TENM3: variants seen among roughly 807,000 people sequenced by gnomAD.
TENM3 encodes teneurin transmembrane protein 3.
In TENM3, 63 loss-of-function variants were observed where a neutral mutation model predicts 255.1. The observed-to-expected ratio is 0.25, with a 90% confidence interval of 0.20 to 0.30. The LOEUF (loss-of-function observed/expected upper bound fraction) is 0.30, where lower values mean the gene tolerates loss of function less well. Among genes scored for constraint, TENM3 ranks in the 10% least tolerant of loss-of-function variants. The probability of loss-of-function intolerance (pLI) is 1.00; values close to 1 mark genes in which losing one functional copy is unlikely to be tolerated. For missense variants in TENM3, 2,929 were observed against 3,461.1 expected, an observed-to-expected ratio of 0.85 and a Z score of 3.86; for synonymous variants, 1,306 against 1,322.3, an observed-to-expected ratio of 0.99 and a Z score of 0.27.
chr4:182,267,307 T>A (rs1759304598), intron 1 of TENM3, among the ~76,000 whole-genome samples: 1 of 152,198 alleles, frequency 6.6e-6, no homozygotes, highest in South Asian at 2.1e-4. Flanking sequence ...TTGTCAGTAT[T>A]CTTAACTTAT....
the TENM3 span, among the ~76,000 whole-genome samples, chr4:181,527,664 A>C: frequency 9.0e-3 from 1,369 of 151,664 alleles, 21 homozygotes; most frequent in African/African-American, 0.031. Flanking sequence ...AATAGAATGA[A>C]AATTTGAAAA....
the TENM3 span, among the ~76,000 whole-genome samples, chr4:181,665,959 T>C: frequency 6.6e-6 from 1 of 152,156 alleles, no homozygotes; most frequent in Non-Finnish European, 1.5e-5. Flanking sequence ...TATATATTGG[T>C]CTTCCACAGT....
the TENM3 span, among the ~76,000 whole-genome samples, chr4:181,836,981 A>T: frequency 5.9e-5 from 6 of 101,348 alleles, no homozygotes; most frequent in Non-Finnish European, 1.2e-4. Context: ...ACATTTTATT[A>T]TTCTTAAGAA....
chr4:182,593,124 A>T (rs1388633475), intron 3 of TENM3, among the ~76,000 whole-genome samples: 1 of 152,164 alleles, frequency 6.6e-6, no homozygotes, highest in Admixed American at 6.5e-5. Context: ...GGCAACCTAG[A>T]TTACCTGACA....
intron 12 of TENM3, among the ~76,000 whole-genome samples, chr4:182,708,762 T>C (rs10006999): frequency 0.032 from 4,584 of 145,062 alleles, 224 homozygotes; most frequent in African/African-American, 0.1. Flanking sequence ...CGCGCCACTG[T>C]ACTCCAGCCT....
At chr4:182,510,411 A>G (rs1373441484) in intron 3 of TENM3, among the ~76,000 whole-genome samples, 3 of 152,126 alleles carry the variant, frequency 2.0e-5, no homozygotes, top group Admixed American at 2.0e-4. Flanking sequence ...TGATTATGTC[A>G]TGTCCCACTT....
At chr4:182,750,603 C>G (rs940253714) in intron 19 of TENM3, among the ~76,000 whole-genome samples, 1 of 152,008 alleles carries the variant, frequency 6.6e-6, no homozygotes, top group Non-Finnish European at 1.5e-5. Flanking sequence ...ACTACTGCAT[C>G]ACTATTAGAA....
the TENM3 span, among the ~76,000 whole-genome samples, chr4:181,587,364 C>T: frequency 6.6e-6 from 1 of 152,248 alleles, no homozygotes; most frequent in East Asian, 1.9e-4. Flanking sequence ...CCTGCTGAAG[C>T]CACTCCTATC....
the TENM3 span, among the ~76,000 whole-genome samples, chr4:181,541,119 A>T: frequency 1.3e-5 from 2 of 152,208 alleles, no homozygotes; most frequent in Non-Finnish European, 2.9e-5. Flanking sequence ...CATGCCTGTA[A>T]TCCCAACATT....
the TENM3 span, among the ~76,000 whole-genome samples, chr4:181,628,730 C>T: frequency 2.6e-5 from 4 of 151,954 alleles, no homozygotes; most frequent in African/African-American, 9.7e-5. Flanking sequence ...TGTTTTGGTT[C>T]CTGTAGCCTT....
chr4:182,416,249 GGTATGGTTAAGCTTAGT>G (rs1471512144), intron 3 of TENM3, among the ~76,000 whole-genome samples: 4 of 152,120 alleles, frequency 2.6e-5, no homozygotes, highest in Non-Finnish European at 5.9e-5. Flanking sequence ...GTTGAGTTGA[GGTATGGTTAAGCTTAGT>G]GATATAAAAC....
chr4:182,160,203 C>T (rs1035290124), intron 1 of TENM3, among the ~76,000 whole-genome samples: 20 of 151,356 alleles, frequency 1.3e-4, no homozygotes, highest in Admixed American at 3.3e-4. Flanking sequence ...GGGGTTTCAC[C>T]GTGTTAGCCA....
At chr4:181,534,473 C>CCG in the TENM3 span, among the ~76,000 whole-genome samples, 1,117 of 151,538 alleles carry the variant, frequency 7.4e-3, 14 homozygotes, top group African/African-American at 0.024. Context: ...TCTTCCCCCC[C>CCG]CCCACAGAAA....
the TENM3 span, among the ~76,000 whole-genome samples, chr4:181,848,376 C>T: frequency 6.6e-6 from 1 of 152,092 alleles, no homozygotes; most frequent in Admixed American, 6.5e-5. Flanking sequence ...GATTCAAAGT[C>T]CTTTAAAGTC....
chr4:182,275,821 T>C (rs1178919391), intron 1 of TENM3, among the ~76,000 whole-genome samples: 3 of 151,670 alleles, frequency 2.0e-5, no homozygotes, highest in Admixed American at 1.3e-4. Context: ...CTTGAAGTGC[T>C]AGCTACTCAG....
At chr4:181,823,198 T>A in the TENM3 span, among the ~76,000 whole-genome samples, 1 of 152,204 alleles carries the variant, frequency 6.6e-6, no homozygotes, top group African/African-American at 2.4e-5. Flanking sequence ...AACAGATTAT[T>A]CAACAGTGAT....
chr4:181,535,668 G>A, the TENM3 span, among the ~76,000 whole-genome samples: 28 of 152,236 alleles, frequency 1.8e-4, no homozygotes, highest in East Asian at 3.5e-3. Context: ...CCCTTACTTT[G>A]CCCTCACCAC....
At chr4:182,478,451 T>A (rs1282515460) in intron 3 of TENM3, among the ~76,000 whole-genome samples, 4 of 148,348 alleles carry the variant, frequency 2.7e-5, no homozygotes, top group Admixed American at 1.4e-4. Context: ...ATATGTAGAG[T>A]TTTTTTTTTA....
chr4:181,719,075 G>C, the TENM3 span, among the ~76,000 whole-genome samples: 4 of 151,204 alleles, frequency 2.6e-5, no homozygotes, highest in Admixed American at 2.6e-4. Flanking sequence ...GCGCGGTGGC[G>C]GGCGCCTGTA....
Sources: allele counts gnomAD v4.1 joint callset (sites outside exome capture counted in the v4.1 genomes callset), GRCh38; gene constraint gnomAD v4.1.1; transcripts MANE v1.5; gene names NCBI Gene and HGNC (gene_info 2026-07-23, HGNC 2026-07-21).